Variants in SLC41A2 observed in about 807,000 individuals in gnomAD.
SLC41A2 encodes SLC41A1-like 1.
A neutral mutation model predicts 58.3 loss-of-function variants in SLC41A2; 32 were observed. The ratio of observed to expected loss-of-function variants is 0.55; its 90% confidence interval spans 0.41 to 0.74. The LOEUF is 0.74. Among genes scored for constraint, SLC41A2 ranks in the 30% least tolerant of loss-of-function variants. The pLI is 0.00. For missense variants in SLC41A2, 514 were observed against 680.6 expected (o/e 0.76, Z 2.72); for synonymous variants, 190 against 235.0 (o/e 0.81, Z 1.75).
At chr12:104,858,375 CAAGAT>C (rs2043092424) in intron 8 of SLC41A2, among the ~76,000 whole-genome samples, 1 of 151,964 alleles carries the variant, frequency 6.6e-6, no homozygotes, top group Admixed American at 6.6e-5. Context: ...TCACCACTTA[CAAGAT>C]AAGAGACCTT....
chr12:104,909,809 A>G, intron 2 of SLC41A2, 47 bp from the exon 3 acceptor site: 1 of 1,286,482 alleles, frequency 7.8e-7, no homozygotes, highest in Non-Finnish European at 1.1e-6. Context: ...TCTTTAAAAA[A>G]TACTTTAGAA....
At chr12:104,853,708 AATGTATGTATGTATGTATGT>A (rs57299241) in intron 8 of SLC41A2, among the ~76,000 whole-genome samples, 2,373 of 142,644 alleles carry the variant, frequency 0.017, 69 homozygotes, top group African/African-American at 0.059. Context: ...TTTTTAAATA[AATGTATGTATGTATGTATGT>A]ATGTATGTAT....
chr12:104,874,050 T>C (rs1157654765), intron 6 of SLC41A2, among the ~76,000 whole-genome samples: 1 of 151,848 alleles, frequency 6.6e-6, no homozygotes, highest in African/African-American at 2.4e-5. Context: ...TCTCACTTAT[T>C]TTTACTTTTG....
chr12:104,938,152 A>C (rs116636427), intron 1 of SLC41A2, among the ~76,000 whole-genome samples: 2,893 of 152,304 alleles, frequency 0.019, 32 homozygotes, highest in African/African-American at 0.036. Context: ...AAATTGTGGC[A>C]TATCTATACA....
chr12:104,938,120 G>T (rs2047357137), intron 1 of SLC41A2, among the ~76,000 whole-genome samples: 1 of 152,012 alleles, frequency 6.6e-6, no homozygotes. Context: ...AAAAAAAATG[G>T]AATTAATCCA....
At chr12:104,920,847 C>G (rs2135842876) in intron 2 of SLC41A2, among the ~76,000 whole-genome samples, 1 of 152,108 alleles carries the variant, frequency 6.6e-6, no homozygotes, top group Non-Finnish European at 1.5e-5. Flanking sequence ...TGGCATGAAC[C>G]TGGGAAGCAG....
chr12:104,880,710 C>T (rs1374332943), intron 6 of SLC41A2, among the ~76,000 whole-genome samples: 1 of 152,100 alleles, frequency 6.6e-6, no homozygotes, highest in African/African-American at 2.4e-5. Context: ...CTGCTGGATT[C>T]GTTTTGCCAG....
chr12:104,932,472 A>T (rs2047089005), intron 1 of SLC41A2, among the ~76,000 whole-genome samples: 2 of 151,992 alleles, frequency 1.3e-5, no homozygotes, highest in Non-Finnish European at 2.9e-5. Context: ...AAAAAATGCA[A>T]AAATTAGCTG....
intron 1 of SLC41A2, among the ~76,000 whole-genome samples, chr12:104,934,514 AG>A (rs2047188779): frequency 6.6e-6 from 1 of 151,712 alleles, no homozygotes; most frequent in Non-Finnish European, 1.5e-5. Context: ...GAAAAAAAAA[AG>A]AGCATCTACA....
chr12:104,818,387 T>C (rs531499418), intron 10 of SLC41A2, among the ~76,000 whole-genome samples: 1 of 152,206 alleles, frequency 6.6e-6, no homozygotes, highest in East Asian at 1.9e-4. Flanking sequence ...ACTCAATAAA[T>C]AGGTGAGATT....
rs77782711 is a variant in SLC41A2, at chr12:104,884,993, C to A, written c.1027+1300G>T. On this transcript the variant is annotated intron_variant, in intron 6 of 10. Coordinates refer to ENST00000258538, the MANE Select transcript of SLC41A2 (RefSeq NM_001352171.3). Reference sequence around the variant, plus strand: ...ATCATCCAAACAATACAAATTAGAGCAAATTTAAGATTATCCCTTTAATAA... The same window carrying A: ...ATCATCCAAACAATACAAATTAGAGAAAATTTAAGATTATCCCTTTAATAA... 7.3e-3 allele frequency among the ~76,000 whole-genome samples: 1,103 copies of A among 152,040 alleles called. 13 individuals are homozygous for A. Among genetic ancestry groups the A allele is most frequent in the African/African-American group, 0.024 (1,012 of 41,502 alleles).
chr12:104,934,798 G>A (rs947486840), intron 1 of SLC41A2, among the ~76,000 whole-genome samples: 1 of 152,168 alleles, frequency 6.6e-6, no homozygotes, highest in East Asian at 1.9e-4. Flanking sequence ...GAAAAATATT[G>A]TACTTATGTG....
At chr12:104,815,269 A>C (rs1022458459) in intron 10 of SLC41A2, among the ~76,000 whole-genome samples, 1 of 152,210 alleles carries the variant, frequency 6.6e-6, no homozygotes, top group African/African-American at 2.4e-5. Context: ...TAAGGAATGC[A>C]GGCTTTTCCT....
At chr12:104,898,201 G>T (rs2135718124) in intron 3 of SLC41A2, among the ~76,000 whole-genome samples, 1 of 152,280 alleles carries the variant, frequency 6.6e-6, no homozygotes, top group Non-Finnish European at 1.5e-5. Context: ...AGAGCCTGAA[G>T]ATGTGTTATG....
chr12:104,948,757 T>C (rs2047833226), intron 1 of SLC41A2, among the ~76,000 whole-genome samples: 1 of 152,244 alleles, frequency 6.6e-6, no homozygotes, highest in South Asian at 2.1e-4. Context: ...ATCATCAGTG[T>C]TCCCTCTCAG....
intron 10 of SLC41A2, among the ~76,000 whole-genome samples, chr12:104,831,105 A>C (rs138966222): frequency 6.6e-6 from 1 of 152,120 alleles, no homozygotes; most frequent in Non-Finnish European, 1.5e-5. Context: ...GGGTATCACT[A>C]TGTTGACCAG....
chr12:104,886,103 C>T (rs2044646356), intron 6 of SLC41A2, among the ~76,000 whole-genome samples, 190 bp downstream of exon 6: 1 of 151,962 alleles, frequency 6.6e-6, no homozygotes, highest in Non-Finnish European at 1.5e-5. Flanking sequence ...GAGTTTTAAA[C>T]TCTACGAGAA....
intron 3 of SLC41A2, among the ~76,000 whole-genome samples, chr12:104,900,602 A>T (rs2045513748): frequency 1.3e-5 from 2 of 152,210 alleles, no homozygotes; most frequent in Admixed American, 1.3e-4. Context: ...GATTATACAT[A>T]AGTAGTTCTA....
At chr12:104,853,708 A>AATGTATGT (rs57299241) in intron 8 of SLC41A2, among the ~76,000 whole-genome samples, 7,065 of 142,636 alleles carry the variant, frequency 0.05, 229 homozygotes, top group South Asian at 0.13. Context: ...TTTTTAAATA[A>AATGTATGT]ATGTATGTAT....
Sources: gnomAD v4.1 joint callset for allele counts (sites outside exome capture counted in the v4.1 genomes callset) on GRCh38, gnomAD v4.1.1 for gene constraint, MANE v1.5 for transcripts, NCBI Gene and HGNC (gene_info 2026-07-23, HGNC 2026-07-21) for gene names.